Variants in KIFC3 observed in about 807,000 individuals in gnomAD.
The protein encoded by KIFC3 is kinesin family member C3, also known as kinesin-like protein KIFC3.
In KIFC3, 60 loss-of-function variants were observed where a neutral mutation model predicts 101.8. That is an observed-to-expected ratio of 0.59 (90% CI 0.48 to 0.73). The LOEUF (loss-of-function observed/expected upper bound fraction) is 0.73. Ranked by LOEUF, KIFC3 falls within the 30% of genes least tolerant of loss-of-function variation. The pLI, the probability that KIFC3 is intolerant of heterozygous loss-of-function variation, is 0.00. For missense variants in KIFC3, 966 were observed against 1,137.1 expected, an observed-to-expected ratio of 0.85 and a Z score of 2.16; for synonymous variants, 476 against 482.7, an observed-to-expected ratio of 0.99 and a Z score of 0.18.
Position 57,761,395 on chromosome 16 carries a change from G to A in KIFC3, c.1872+18C>T. The A allele has an allele frequency of 6.2e-7, 1 of 1,613,812 alleles. No individual in the cohort carries two copies. The highest frequency in any genetic ancestry group is 8.5e-7 in the Non-Finnish European group (1 of 1,179,870). On this transcript the variant is annotated intron_variant, in intron 14 of 19. Coordinates refer to ENST00000445690, the MANE Select transcript of KIFC3 (RefSeq NM_001130100.2). ...TCTAGAGCAGTGTGGCTGTGGTCAG[G>A]GGCTCCCGCCTCCACACCTTGTTGA... is the stretch of plus-strand genomic sequence containing the variant.
rs2055079635 is a variant in KIFC3 at position 57,811,756 on chromosome 16, A to T, written c.109-13474T>A. ...CATGGTGAAACCCTGTCTCTACTAA[A>T]AATACAAAAATTAGCCGGGCATGGT... is the stretch of plus-strand genomic sequence containing the variant. On this transcript the variant is annotated intron_variant, in intron 1 of 2. Transcript: ENST00000563028. 1.3e-5 allele frequency among the ~76,000 whole-genome samples: 2 copies of T among 151,898 alleles called. 1 individual carries two copies. Among genetic ancestry groups the T allele is most frequent in the South Asian group, 4.2e-4 (2 of 4,814 alleles).
chr16:57,842,853 C>T (rs900271609), intron 1 of KIFC3, among the ~76,000 whole-genome samples: 1 of 152,104 alleles, frequency 6.6e-6, no homozygotes, highest in East Asian at 1.9e-4. Context: ...ATAGAGCAGC[C>T]GGGCACAGTG....
chr16:57,852,923 C>A (rs1331723000), intron 1 of KIFC3, among the ~76,000 whole-genome samples: 1 of 151,760 alleles, frequency 6.6e-6, no homozygotes, highest in African/African-American at 2.4e-5. Context: ...TGTAGAATTT[C>A]TTTTTTGTAT....
intron 1 of KIFC3, among the ~76,000 whole-genome samples, chr16:57,844,527 C>G (rs1259106708): frequency 6.6e-6 from 1 of 151,484 alleles, no homozygotes; most frequent in Non-Finnish European, 1.5e-5. Flanking sequence ...TCTCTGAGAT[C>G]AGGATGCACC....
intron 1 of KIFC3, among the ~76,000 whole-genome samples, chr16:57,832,043 C>CA (rs1441535255): frequency 6.6e-6 from 1 of 151,896 alleles, no homozygotes; most frequent in Non-Finnish European, 1.5e-5. Flanking sequence ...TTTTTTAAGA[C>CA]AGAGTCTCGT....
intron 3 of KIFC3, among the ~76,000 whole-genome samples, chr16:57,786,936 G>A (rs2053390770): frequency 1.3e-5 from 2 of 152,200 alleles, no homozygotes. Flanking sequence ...GGAGGGGCAC[G>A]CACAGGTCGG....
chr16:57,823,683 C>T (rs991152032), intron 1 of KIFC3, among the ~76,000 whole-genome samples: 2 of 152,072 alleles, frequency 1.3e-5, no homozygotes, highest in South Asian at 2.1e-4. Context: ...ACCTCCACCC[C>T]CCAGGTTCCA....
At chr16:57,847,387 C>T (rs575857358) in intron 1 of KIFC3, among the ~76,000 whole-genome samples, 1 of 151,914 alleles carries the variant, frequency 6.6e-6, no homozygotes, top group Non-Finnish European at 1.5e-5. Context: ...CCCAGGAGTT[C>T]GAGACCAGCC....
At chr16:57,839,617 A>G (rs2055762809) in intron 1 of KIFC3, among the ~76,000 whole-genome samples, 1 of 152,144 alleles carries the variant, frequency 6.6e-6, no homozygotes, top group East Asian at 1.9e-4. Flanking sequence ...AATCCTGTAA[A>G]TTGGAGACCT....
intron 16 of KIFC3, 127 bp downstream of exon 16, chr16:57,760,599 C>G (rs1443561986): frequency 1.8e-5 from 20 of 1,082,902 alleles, no homozygotes; most frequent in Non-Finnish European, 2.6e-5. Flanking sequence ...CTGGGAGTTA[C>G]ACAGGGTGTG....
In KIFC3 at chr16:57,758,766, G is replaced by A. The variant is rs1555591644; in HGVS notation, c.*168C>T. The A allele has an allele frequency of 1.8e-5, 19 of 1,066,168 alleles. No homozygotes were observed. Among genetic ancestry groups the A allele is most frequent in the Admixed American group, 3.4e-5 (2 of 58,768 alleles). 66.0% of individuals were successfully genotyped at this position (1,066,168 alleles called of 1,614,324 possible). On this transcript the variant is annotated 3_prime_UTR_variant, in exon 20 of 20. Transcript: ENST00000445690. ...CCTTCTGAACATGTTTCTCATCTTT[G>A]AGGGGAGACGGGGCAGAAGAAGAGC...
At chr16:57,819,595 C>T (rs562375163) in intron 1 of KIFC3, among the ~76,000 whole-genome samples, 1 of 152,236 alleles carries the variant, frequency 6.6e-6, no homozygotes, top group African/African-American at 2.4e-5. Context: ...GAGTCTCGCT[C>T]TGTCACCCAG....
intron 3 of KIFC3, among the ~76,000 whole-genome samples, chr16:57,789,738 C>G (rs2965781): frequency 0.73 from 102,777 of 140,530 alleles, 35,390 homozygotes; most frequent in South Asian, 0.77. Flanking sequence ...GTTTTGTTTT[C>G]TTTTCTTTTC....
upstream of KIFC3, chr16:57,803,162 A>C: frequency 1.1e-6 from 1 of 870,870 alleles, no homozygotes; most frequent in Admixed American, 2.0e-5. Flanking sequence ...AGCTGCCTGG[A>C]GTCCCTTAAG....
chr16:57,766,808 G>T, intron 10 of KIFC3, 66 bp downstream of exon 10: 2 of 1,097,248 alleles, frequency 1.8e-6, no homozygotes, highest in Non-Finnish European at 2.7e-6. Context: ...TGAGCTCCAA[G>T]CATGACTGCC....
chr16:57,800,724 G>A (rs2063547360), intron 1 of KIFC3, among the ~76,000 whole-genome samples: 3 of 152,172 alleles, frequency 2.0e-5, no homozygotes, highest in African/African-American at 2.4e-5. Context: ...GCTAGATCCC[G>A]AAGAGGAAAA....
chr16:57,799,458 G>T (rs1420206528), intron 1 of KIFC3, among the ~76,000 whole-genome samples: 2 of 152,054 alleles, frequency 1.3e-5, no homozygotes, highest in African/African-American at 4.8e-5. Context: ...GCTATTTGAA[G>T]GGTGTCCACC....
intron 1 of KIFC3, among the ~76,000 whole-genome samples, chr16:57,851,403 A>C (rs1019722246): frequency 9.9e-5 from 15 of 151,994 alleles, no homozygotes; most frequent in African/African-American, 3.1e-4. Context: ...TTTTCCCCTC[A>C]TATTAAAAAC....
At chr16:57,855,055 A>C (rs534459987) in intron 1 of KIFC3, among the ~76,000 whole-genome samples, 97 of 152,130 alleles carry the variant, frequency 6.4e-4, no homozygotes, top group Admixed American at 1.6e-3. Context: ...TGCCATCTCT[A>C]CAAAGAATAA....
Sources: gnomAD v4.1 joint callset for allele counts (sites outside exome capture counted in the v4.1 genomes callset) on GRCh38, gnomAD v4.1.1 for gene constraint, MANE v1.5 for transcripts, NCBI Gene and HGNC (gene_info 2026-07-23, HGNC 2026-07-21) for gene names.